AKAP9: variants seen among roughly 807,000 people sequenced by gnomAD.
The protein encoded by AKAP9 is A-kinase anchor protein 9.
A neutral mutation model predicts 488.5 loss-of-function variants in AKAP9; 311 were observed. The ratio of observed to expected loss-of-function variants is 0.64; its 90% CI spans 0.58 to 0.70. The LOEUF (loss-of-function observed/expected upper bound fraction) is 0.70. AKAP9 is among the 30% of genes least tolerant of loss of function. The pLI is 0.00. For missense variants in AKAP9, 4,215 were observed against 4,374.5 expected (o/e 0.96, Z 1.03); for synonymous variants, 1,462 against 1,483.5 (o/e 0.99, Z 0.33).
At chr7:92,104,616 G>C (rs146967302) in intron 46 of AKAP9, among the ~76,000 whole-genome samples, 37 of 152,274 alleles carry the variant, frequency 2.4e-4, no homozygotes, top group Admixed American at 1.0e-3. Context: ...TAGTGATAGA[G>C]CTAGGACAAC....
chr7:92,059,891 T>G (rs1027548960), intron 22 of AKAP9, among the ~76,000 whole-genome samples: 2 of 151,898 alleles, frequency 1.3e-5, no homozygotes, highest in Non-Finnish European at 2.9e-5. Context: ...AATATTCCTT[T>G]TGAGATAACA....
chr7:92,077,096 C>CA, intron 29 of AKAP9, 89 bp downstream of exon 29: 1 of 256,430 alleles, frequency 3.9e-6, no homozygotes, highest in Non-Finnish European at 6.1e-6. Context: ...TTATTTCTTT[C>CA]TTTTTTTTTT....
intron 8 of AKAP9, among the ~76,000 whole-genome samples, chr7:92,011,300 T>A (rs1254311059): frequency 1.3e-5 from 2 of 152,198 alleles, no homozygotes; most frequent in African/African-American, 4.8e-5. Flanking sequence ...AAAACTTATT[T>A]ATGAATAACA....
chr7:92,093,080 A>C lies in AKAP9; in HGVS notation c.9359-17A>C, dbSNP rs1466546871. On this transcript the variant is annotated splice_polypyrimidine_tract_variant and intron_variant, in intron 38 of 49. Transcript: ENST00000356239. ...GTTGCTTGATTATGTTTCAAATATT[A>C]ATCATGTTCTGTGTAGAACTCTTGG... is the stretch of plus-strand genomic sequence containing the variant. 6.3e-7 allele frequency: 1 copy of C among 1,595,028 alleles called. No individual in the cohort carries two copies. The highest frequency in any genetic ancestry group is 1.7e-5 in the Admixed American group (1 of 59,776).
At chr7:91,972,870 T>A (rs1795260309) in intron 1 of AKAP9, among the ~76,000 whole-genome samples, 1 of 152,244 alleles carries the variant, frequency 6.6e-6, no homozygotes, top group African/African-American at 2.4e-5. Flanking sequence ...GATTAAGGGC[T>A]GGAAAGCACT....
At chr7:92,036,138 A>G (rs1475812924) in intron 16 of AKAP9, among the ~76,000 whole-genome samples, 1 of 151,718 alleles carries the variant, frequency 6.6e-6, no homozygotes, top group Non-Finnish European at 1.5e-5. Flanking sequence ...CCTGGTTAGC[A>G]GTTATTTTTA....
rs774680644 is a variant in AKAP9 at position 92,086,357 on chromosome 7, C to G, written c.9154C>G (p.Leu3052Val). 1.2e-6 allele frequency: 2 copies of G among 1,613,942 alleles called. No individual in the cohort carries two copies. Among genetic ancestry groups the G allele is most frequent in the Non-Finnish European group, 1.7e-6 (2 of 1,179,940 alleles). The change falls in exon 37 of 50, where the codon CTA (leucine) becomes GTA (valine). Residue 3052 changes from leucine (L) to valine (V), a missense_variant. Physicochemically the swap from Leu to Val is conservative, Grantham distance 32. Transcript: ENST00000356239. The part of the protein sequence containing the change: ...LAAFRTELTA[L>V]GTTDAVGLLN... ...AGCATTTCGGACGGAGCTGACAGCTCTAGGTACTACAGATGCAGTTGGTTT... is the reference window on the plus strand; with the variant it reads ...AGCATTTCGGACGGAGCTGACAGCTGTAGGTACTACAGATGCAGTTGGTTT...
At position 92,027,308 on chromosome 7, in the gene AKAP9, C is replaced by T. The variant is rs537495373; in HGVS notation, c.4149-2587C>T. On this transcript the variant is annotated intron_variant, in intron 14 of 49. Coordinates refer to ENST00000356239, the MANE Select transcript of AKAP9 (RefSeq NM_005751.5). ...CCCGTCTGGGATGTGAGGAGCACCTCTGCCCGGCCGCCACCCCGTCTAGGA... is the reference window on the plus strand; with the variant it reads ...CCCGTCTGGGATGTGAGGAGCACCTTTGCCCGGCCGCCACCCCGTCTAGGA... 1.4e-4 allele frequency among the ~76,000 whole-genome samples: 21 copies of T among 144,836 alleles called. No individual in the cohort carries two copies. The South Asian group carries it at 4.7e-3, about 33-fold the overall frequency.
Position 92,025,490 on chromosome 7 carries a change from G to C in AKAP9, c.4148+2481G>C, listed in dbSNP as rs76691055. On this transcript the variant is annotated intron_variant, in intron 14 of 49. Transcript: ENST00000356239. ...TGTGTAAATAGCATCACATATTTTG[G>C]ACATGACTGTAACACATTTTGAATA... 4.6e-3 allele frequency among the ~76,000 whole-genome samples: 701 copies of C among 152,218 alleles called. 2 individuals carry two copies. Among genetic ancestry groups the C allele is most frequent in the African/African-American group, 0.016 (673 of 41,504 alleles).
At chr7:92,103,581 G>A (rs1284979308) in intron 46 of AKAP9, among the ~76,000 whole-genome samples, 1 of 151,538 alleles carries the variant, frequency 6.6e-6, no homozygotes, top group East Asian at 1.9e-4. Context: ...TGTAGTCCCA[G>A]CTACTTGGGA....
At chr7:92,092,982 C>T in intron 38 of AKAP9, 115 bp from the exon 39 acceptor site, 1 of 910,666 alleles carries the variant, frequency 1.1e-6, no homozygotes, top group Admixed American at 2.3e-5. Flanking sequence ...TATAATTTTT[C>T]ATGTTTCCTT....
chr7:92,085,307 T>C (rs763730605), intron 35 of AKAP9, among the ~76,000 whole-genome samples, 188 bp from the exon 36 acceptor site: 50 of 152,282 alleles, frequency 3.3e-4, no homozygotes, highest in South Asian at 1.7e-3. Context: ...AGATGAGAGC[T>C]ATGGAAAGTC....
rs1217965415 is a variant in AKAP9 at position 92,110,421 on chromosome 7, G to T, written c.*262G>T. On this transcript the variant is annotated 3_prime_UTR_variant, in exon 50 of 50. Transcript: ENST00000356239. ...TTTAAAACATTAAATTATAAACCTT[G>T]TGTATTTATCAAATGGGTGAAAAGA... 1 of 482,350 alleles carries T rather than the reference G, an allele frequency of 2.1e-6. No homozygotes were observed. Among genetic ancestry groups the T allele is most frequent in the Non-Finnish European group, 3.7e-6 (1 of 267,878 alleles). 29.9% of individuals were successfully genotyped at this position (482,350 alleles called of 1,614,324 possible). A position where few individuals can be genotyped will look rare whatever the true frequency, so the allele number is the denominator to read the frequency against.
intron 45 of AKAP9, 75 bp from the exon 46 acceptor site, chr7:92,102,519 C>G: frequency 8.2e-7 from 1 of 1,219,046 alleles, no homozygotes; most frequent in South Asian, 1.2e-5. Flanking sequence ...TTGTTAAAAT[C>G]TAGGTTATTT....
intron 28 of AKAP9, among the ~76,000 whole-genome samples, chr7:92,072,867 G>A (rs777097442): frequency 3.3e-5 from 5 of 152,090 alleles, no homozygotes; most frequent in South Asian, 2.1e-4. Context: ...CTTTCTTCCC[G>A]AGGACAGACT....
rs1275268517 is a variant in AKAP9 at position 91,948,084 on chromosome 7, T to G, written c.48+6937T>G. On this transcript the variant is annotated intron_variant, in intron 1 of 49. Transcript: ENST00000356239. ...TGTCTGGCTTCTTTCACTTAGTATG[T>G]TTTCAAGGTTCATCCATTTTGCTGC... Among the ~76,000 whole-genome samples the G allele has an allele frequency of 2.0e-5, 3 of 152,232 alleles. No individual in the cohort carries two copies. The East Asian group carries it at 5.8e-4, about 29-fold the overall frequency.
chr7:92,079,304 G>A lies in AKAP9; in HGVS notation c.7171G>A (p.Val2391Ile), dbSNP rs1431399550. The A allele has an allele frequency of 1.2e-6, 2 of 1,613,952 alleles. No homozygotes were observed. The highest frequency in any genetic ancestry group is 1.3e-5 in the African/African-American group (1 of 74,928). ...ADSLKHQLDV[V>I]IAEKLALEQQ... ...CAGTTTAAAACATCAATTGGATGTG[G>A]TTATAGCTGAAAAGCTGGCCTTGGA... Residue 2391 changes from valine (V) to isoleucine (I), a missense_variant, in exon 31 of 50, where the codon GTT becomes ATT. Around this residue, in one of 5 missense-constraint regions of AKAP9, gnomAD observed 1,476 missense variants for 1,477.4 expected, o/e 1.00. Transcript: ENST00000356239.
At chr7:92,024,356 G>T (rs1362229473) in intron 14 of AKAP9, among the ~76,000 whole-genome samples, 3 of 151,218 alleles carry the variant, frequency 2.0e-5, no homozygotes, top group Admixed American at 6.6e-5. Context: ...AGGTTGCAGT[G>T]AGCTGAATTT....
intron 17 of AKAP9, among the ~76,000 whole-genome samples, chr7:92,039,957 A>AC (rs922059783): frequency 6.6e-6 from 1 of 152,156 alleles, no homozygotes; most frequent in African/African-American, 2.4e-5. Context: ...CCTGGGTGAC[A>AC]CCAAGACTCC....
Sources: allele counts gnomAD v4.1 joint callset (sites outside exome capture counted in the v4.1 genomes callset), GRCh38; gene constraint gnomAD v4.1.1; regional missense constraint gnomAD v4.1.1; transcripts MANE v1.5; gene names NCBI Gene and HGNC (gene_info 2026-07-23, HGNC 2026-07-21).